The following ADGRG5 variants were observed in gnomAD, a reference collection of about 807,000 sequenced individuals.
The protein encoded by ADGRG5 is G protein-coupled receptor 114.
Under a neutral mutation model 53.2 loss-of-function variants are expected in ADGRG5, and 37 were observed. The observed-to-expected ratio is 0.70, with a 90% CI of 0.53 to 0.91. The LOEUF (loss-of-function observed/expected upper bound fraction) is 0.91. ADGRG5 is among the 40% of genes least tolerant of loss of function. ADGRG5 has a pLI of 0.00. For synonymous variants in ADGRG5, 277 were observed against 290.4 expected (o/e 0.95, Z 0.47); for missense variants, 614 against 675.8 (o/e 0.91, Z 1.01).
Position 57,567,510 on chromosome 16 carries a change from C to T in ADGRG5, c.740C>T (p.Pro247Leu), listed in dbSNP as rs1289774946. The T allele has an allele frequency of 1.9e-6, 3 of 1,611,170 alleles. No individual in the cohort carries two copies. Among genetic ancestry groups the T allele is most frequent in the Non-Finnish European group, 2.5e-6 (3 of 1,179,906 alleles). ...PALVPAELLAPLTYISLVGCS... is the reference protein window; with the variant it reads ...PALVPAELLALLTYISLVGCS... ...CTGGTCCCTGCAGAGTTGCTGGCAC[C>T]TCTTACGTACATCTCCCTCGTGGGC... Residue 247 changes from proline (P) to leucine (L), a missense_variant, in exon 8 of 12, where the codon CCT (proline) becomes CTT (leucine). Pro to Leu is a moderately conservative substitution (Grantham distance 98). Coordinates refer to ENST00000349457, the MANE Select transcript of ADGRG5 (RefSeq NM_001304376.3).
At position 57,563,242 on chromosome 16, in the gene ADGRG5, C is replaced by A. The variant is rs1302700400; in HGVS notation, c.292C>A (p.Pro98Thr). Residue 98 changes from proline to threonine, a missense_variant, in exon 4 of 12, where the codon CCC (proline) becomes ACC (threonine). Coordinates refer to ENST00000349457, the MANE Select transcript of ADGRG5 (RefSeq NM_001304376.3). ...SLTSATLKRVPQAGGQHARGQ... is the reference protein window; with the variant it reads ...SLTSATLKRVTQAGGQHARGQ... ...GACCAGTGCCACTCTGAAGCGGGTG[C>A]CCCAGGTCAGAGGCTGCGGGTTGGG... 2 of 1,613,412 alleles carry A rather than the reference C, an allele frequency of 1.2e-6. No homozygotes were observed. Among genetic ancestry groups the A allele is most frequent in the Non-Finnish European group, 1.7e-6 (2 of 1,179,848 alleles).
At chr16:57,573,110 G>T (rs1386017080) in intron 10 of ADGRG5, among the ~76,000 whole-genome samples, 1 of 152,122 alleles carries the variant, frequency 6.6e-6, no homozygotes. Flanking sequence ...CTGGTGGAGG[G>T]TGTCCAGGTT....
rs1012333089 is a variant in ADGRG5 at position 57,560,301 on chromosome 16, C to T, written c.-38-1755C>T. 4.6e-5 allele frequency among the ~76,000 whole-genome samples: 7 copies of T among 152,322 alleles called. No individual in the cohort carries two copies. The East Asian group carries it at 1.3e-3, about 29-fold the overall frequency. ...TATACTTTCTCATTTTGTTGGAGCA[C>T]ATCCTCCAGCAGCTTCTCAAGAAAG... is the stretch of plus-strand genomic sequence containing the variant. On this transcript the variant is annotated intron_variant, in intron 1 of 11. Transcript: ENST00000349457.
rs371947307 is a variant in ADGRG5 at position 57,570,495 on chromosome 16, G to A, written c.1168G>A (p.Asp390Asn). The change falls in exon 10 of 12, where the codon GAC becomes AAC. Residue 390 changes from aspartate (D) to asparagine (N), a missense_variant. Transcript: ENST00000349457. ...VYGPCTIPVF[D>N]SWENGTGFQN... is the part of the protein sequence containing the mutation. The stretch of plus-strand genomic sequence containing the variant: ...CGGACCCTGCACAATCCCCGTCTTC[G>A]ACAGCTGGGAGAATGGCACAGGCTT... The A allele has an allele frequency of 9.0e-5, 146 of 1,613,384 alleles. No individual in the cohort carries two copies. The highest frequency in any genetic ancestry group is 1.6e-4 in the Middle Eastern group (1 of 6,080).
intron 9 of ADGRG5, among the ~76,000 whole-genome samples, chr16:57,568,555 A>G (rs543219660): frequency 7.5e-4 from 111 of 148,580 alleles, no homozygotes; most frequent in Middle Eastern, 3.7e-3. Flanking sequence ...CACCACCATG[A>G]TCACCTCCTC....
intron 1 of ADGRG5, among the ~76,000 whole-genome samples, chr16:57,545,714 GTTTA>G (rs1482343325): frequency 6.6e-6 from 1 of 152,188 alleles, no homozygotes; most frequent in African/African-American, 2.4e-5. Flanking sequence ...ATAAGTTACA[GTTTA>G]TTTAATTAGT....
At chr16:57,555,015 C>T (rs2032850250) in intron 1 of ADGRG5, among the ~76,000 whole-genome samples, 1 of 151,724 alleles carries the variant, frequency 6.6e-6, no homozygotes, top group Non-Finnish European at 1.5e-5. Context: ...GTTTAAGTTC[C>T]TGGTGGTTAC....
chr16:57,533,522 A>T, the ADGRG5 span, among the ~76,000 whole-genome samples: 1 of 150,058 alleles, frequency 6.7e-6, no homozygotes, highest in Non-Finnish European at 1.5e-5. Flanking sequence ...ACACAGCCCC[A>T]GTAATGCACA....
At chr16:57,532,695 GCAGACACA>G in the ADGRG5 span, among the ~76,000 whole-genome samples, 1 of 78,330 alleles carries the variant, frequency 1.3e-5, no homozygotes, top group Non-Finnish European at 2.4e-5. Flanking sequence ...CCCAAGTGAA[GCAGACACA>G]CACACACACA....
intron 1 of ADGRG5, among the ~76,000 whole-genome samples, chr16:57,547,005 C>T (rs1470527970): frequency 1.3e-5 from 2 of 152,158 alleles, no homozygotes; most frequent in African/African-American, 4.8e-5. Context: ...AGCCACTGCA[C>T]CTGGCCTGTC....
chr16:57,560,381 A>G lies in ADGRG5; in HGVS notation c.-38-1675A>G, dbSNP rs191774791. Among the ~76,000 whole-genome samples the G allele has an allele frequency of 2.6e-5, 4 of 152,384 alleles. No homozygotes were observed. In the East Asian group the frequency reaches 7.7e-4, roughly 29 times the overall value. ...TTGGTTGACCATTCAAGAGAGGAGC[A>G]CTAAAAACCTAATTGCTTGGCAGAG... On this transcript the variant is annotated intron_variant, in intron 1 of 11. Transcript: ENST00000349457.
intron 1 of ADGRG5, among the ~76,000 whole-genome samples, chr16:57,556,044 C>T (rs1361875301): frequency 6.6e-6 from 1 of 152,182 alleles, no homozygotes; most frequent in Admixed American, 6.5e-5. Context: ...CCTAAGGTCT[C>T]CCCAGCCATG....
the ADGRG5 span, among the ~76,000 whole-genome samples, chr16:57,531,851 C>T: frequency 6.6e-6 from 1 of 152,236 alleles, no homozygotes; most frequent in Non-Finnish European, 1.5e-5. Flanking sequence ...CACTGCTTTG[C>T]CCACTCTTAC....
chr16:57,540,035 G>A (rs1205910109), upstream of ADGRG5, among the ~76,000 whole-genome samples: 2 of 152,126 alleles, frequency 1.3e-5, no homozygotes, highest in Non-Finnish European at 2.9e-5. Flanking sequence ...GACTTGTCAA[G>A]AGATCGAGAC....
At position 57,575,455 on chromosome 16, in the gene ADGRG5, T is replaced by A. The variant is rs2033489891; in HGVS notation, c.1504T>A (p.Trp502Arg). Residue 502 changes from tryptophan (W) to arginine (R), a missense_variant, in exon 12 of 12, where the codon TGG becomes AGG. Trp to Arg is a moderately radical substitution (Grantham distance 101, BLOSUM62 -3). Coordinates refer to ENST00000349457, the MANE Select transcript of ADGRG5 (RefSeq NM_001304376.3). ...NSLYGFFLFL[W>R]FCSQRCRSEA... Reference sequence around the variant, plus strand: ...TCTTGCAGGTTTCTTCCTTTTCCTGTGGTTCTGCTCCCAGCGGTGCCGCTC... The same window carrying A: ...TCTTGCAGGTTTCTTCCTTTTCCTGAGGTTCTGCTCCCAGCGGTGCCGCTC... 1 of 1,613,988 alleles carries A rather than the reference T, an allele frequency of 6.2e-7. No homozygotes were observed. The highest frequency in any genetic ancestry group is 8.5e-7 in the Non-Finnish European group (1 of 1,179,960).
At chr16:57,530,046 A>G in the ADGRG5 span, among the ~76,000 whole-genome samples, 181 of 152,306 alleles carry the variant, frequency 1.2e-3, 1 homozygote, top group African/African-American at 4.3e-3. Context: ...TATGAGTACA[A>G]ATTCAAACTC....
chr16:57,542,843 A>G (rs1421736938), intron 1 of ADGRG5, 142 bp downstream of exon 1: 3 of 152,144 alleles, frequency 2.0e-5, no homozygotes, highest in African/African-American at 4.8e-5. Flanking sequence ...CTGGGGACCC[A>G]CCCTCCTTCC....
the ADGRG5 span, among the ~76,000 whole-genome samples, chr16:57,535,115 G>A: frequency 6.6e-6 from 1 of 152,244 alleles, no homozygotes; most frequent in Non-Finnish European, 1.5e-5. Context: ...GCAGAGCCCA[G>A]TGGGAAACCA....
intron 1 of ADGRG5, among the ~76,000 whole-genome samples, chr16:57,557,562 A>G (rs780567753): frequency 3.3e-4 from 50 of 151,830 alleles, no homozygotes; most frequent in Non-Finnish European, 6.0e-4. Flanking sequence ...TTCTGTTTCT[A>G]TTTATTCTTC....
Sources: allele counts gnomAD v4.1 joint callset (sites outside exome capture counted in the v4.1 genomes callset), GRCh38; gene constraint gnomAD v4.1.1; transcripts MANE v1.5; gene names NCBI Gene and HGNC (gene_info 2026-07-23, HGNC 2026-07-21).